RFC1: variants seen among roughly 807,000 people sequenced by gnomAD.
The protein encoded by RFC1 is A1 140 kDa subunit.
Under a neutral mutation model 137.4 loss-of-function variants are expected in RFC1, and 37 were observed. That is an observed-to-expected ratio of 0.27 (90% CI 0.21 to 0.35). The LOEUF (loss-of-function observed/expected upper bound fraction) is 0.35, where lower values mean the gene tolerates loss of function less well. RFC1 is among the 10% of genes least tolerant of loss of function. The pLI is 1.00. For synonymous variants in RFC1, 429 were observed against 455.7 expected (o/e 0.94, Z 0.75); for missense variants, 1,205 against 1,358.5 (o/e 0.89, Z 1.78).
chr4:39,288,814 G>A lies in RFC1; in HGVS notation c.3391C>T (p.Pro1131Ser), dbSNP rs749903526. ...TTTCTGGGCTCCTTATCTTTTTCTG[G>A]TTTTGAAGGCTTTGAAGATTTTGTC... ...KKTKSSKPSKPEKDKEPRKGK... is the reference protein window; with the variant it reads ...KKTKSSKPSKSEKDKEPRKGK... The change falls in exon 25 of 25, where the codon CCA becomes TCA. Residue 1131 changes from proline (P) to serine (S), a missense_variant. This residue lies in a region of RFC1 where 237 missense variants were observed against 304.2 expected (regional missense o/e 0.78). Coordinates refer to ENST00000349703, the MANE Select transcript of RFC1 (RefSeq NM_002913.5). The A allele has an allele frequency of 3.1e-6, 5 of 1,612,180 alleles. No homozygotes were observed. The highest frequency in any genetic ancestry group is 4.2e-6 in the Non-Finnish European group (5 of 1,179,026).
intron 21 of RFC1, among the ~76,000 whole-genome samples, chr4:39,296,999 G>C (rs1177965488): frequency 2.0e-5 from 3 of 151,400 alleles, no homozygotes; most frequent in East Asian, 1.9e-4. Flanking sequence ...TTCTCTGATG[G>C]CCAGTGATGA....
intron 1 of RFC1, among the ~76,000 whole-genome samples, chr4:39,361,824 T>C (rs1741773067): frequency 6.6e-6 from 1 of 152,160 alleles, no homozygotes. Flanking sequence ...CGAGGCGGGC[T>C]GATCACGAGG....
chr4:39,329,194 A>G (rs755630345), intron 4 of RFC1, among the ~76,000 whole-genome samples: 31 of 150,942 alleles, frequency 2.1e-4, no homozygotes, highest in Non-Finnish European at 3.8e-4. Flanking sequence ...ATCCAATAAA[A>G]ATGAAAATCT....
chr4:39,360,145 C>A (rs1056296465), intron 1 of RFC1, among the ~76,000 whole-genome samples: 1 of 151,992 alleles, frequency 6.6e-6, no homozygotes, highest in African/African-American at 2.4e-5. Flanking sequence ...GTGAGTGGAT[C>A]GTTTCAGGTC....
chr4:39,313,384 TTC>T (rs1359470916), intron 10 of RFC1, among the ~76,000 whole-genome samples: 1 of 152,348 alleles, frequency 6.6e-6, no homozygotes, highest in South Asian at 2.1e-4. Flanking sequence ...ATTTTGATGT[TTC>T]TGTTAATGTT....
chr4:39,321,172 AAAT>A (rs1423580952), intron 8 of RFC1, 112 bp downstream of exon 8: 16 of 813,464 alleles, frequency 2.0e-5, no homozygotes, highest in African/African-American at 3.4e-5. Flanking sequence ...TAGTCCTGTG[AAAT>A]AATGTCTACC....
At chr4:39,365,868 G>A (rs1190624889) in intron 1 of RFC1, among the ~76,000 whole-genome samples, 1 of 152,124 alleles carries the variant, frequency 6.6e-6, no homozygotes, top group Non-Finnish European at 1.5e-5. Flanking sequence ...TGAAATCCAC[G>A]CTTTAGGCAG....
intron 4 of RFC1, among the ~76,000 whole-genome samples, chr4:39,336,835 A>G (rs764017226): frequency 6.6e-6 from 1 of 152,278 alleles, no homozygotes; most frequent in Non-Finnish European, 1.5e-5. Context: ...ATAAGAAACT[A>G]AACAGCTATA....
At chr4:39,309,523 A>C (rs1291176182) in intron 12 of RFC1, among the ~76,000 whole-genome samples, 4 of 152,372 alleles carry the variant, frequency 2.6e-5, no homozygotes, top group Non-Finnish European at 4.4e-5. Flanking sequence ...TACATGCTAC[A>C]ACCCAGGTCA....
intron 11 of RFC1, 139 bp from the exon 12 acceptor site, chr4:39,311,688 A>C: frequency 1.7e-6 from 1 of 582,096 alleles, no homozygotes; most frequent in Non-Finnish European, 3.0e-6. Context: ...GAATTAAAAA[A>C]GAAAAACAAA....
In RFC1 at chr4:39,302,508, T is replaced by C. The variant is rs1461514755; in HGVS notation, c.2428A>G (p.Ile810Val). ...ATATATATTTAATTTACCTGTCTGATATCTTGATTGGCTCCCAAAATTATT... is the reference window on the plus strand; with the variant it reads ...ATATATATTTAATTTACCTGTCTGACATCTTGATTGGCTCCCAAAATTATT... ...NEIILGANQD[I>V]RQVLHNLSMW... Residue 810 changes from isoleucine (I) to valine (V), a missense_variant, in exon 18 of 25, where the codon ATC (isoleucine) becomes GTC (valine). Ile to Val is a conservative substitution (Grantham distance 29, BLOSUM62 3). Coordinates refer to ENST00000349703, the MANE Select transcript of RFC1 (RefSeq NM_002913.5). The C allele has an allele frequency of 3.1e-6, 5 of 1,594,822 alleles. No homozygotes were observed. Among genetic ancestry groups the C allele is most frequent in the Non-Finnish European group, 4.3e-6 (5 of 1,163,872 alleles).
At chr4:39,354,162 A>T (rs1279932879) in intron 1 of RFC1, among the ~76,000 whole-genome samples, 1 of 152,218 alleles carries the variant, frequency 6.6e-6, no homozygotes, top group Non-Finnish European at 1.5e-5. Flanking sequence ...GCAGCATCGT[A>T]ACCTAACTCA....
chr4:39,353,397 C>CAAAA (rs11416030), intron 1 of RFC1, among the ~76,000 whole-genome samples: 24,226 of 62,770 alleles, frequency 0.39, 5,489 homozygotes, highest in Non-Finnish European at 0.48. Context: ...GAGACTGTCT[C>CAAAA]AAAAAAAAAA....
intron 24 of RFC1, among the ~76,000 whole-genome samples, chr4:39,289,152 A>T (rs956761052): frequency 6.6e-6 from 1 of 152,228 alleles, no homozygotes; most frequent in Admixed American, 6.5e-5. Flanking sequence ...AATAAGCAAG[A>T]GGTAATTGAC....
At chr4:39,311,610 T>G in intron 11 of RFC1, 61 bp from the exon 12 acceptor site, 2 of 1,299,424 alleles carry the variant, frequency 1.5e-6, no homozygotes, top group Non-Finnish European at 1.1e-6. Flanking sequence ...TCCCTTCTCT[T>G]ACAAAAAAAA....
At chr4:39,353,129 G>C (rs1741290262) in intron 1 of RFC1, among the ~76,000 whole-genome samples, 1 of 151,990 alleles carries the variant, frequency 6.6e-6, no homozygotes, top group Admixed American at 6.6e-5. Flanking sequence ...GGCCAAGTAA[G>C]GTAGCTCATG....
At chr4:39,346,808 C>T (rs139788174) in intron 2 of RFC1, among the ~76,000 whole-genome samples, 8 of 152,264 alleles carry the variant, frequency 5.3e-5, no homozygotes, top group African/African-American at 1.9e-4. Flanking sequence ...AAGGAGAAAG[C>T]CACAGAAAGA....
At chr4:39,302,018 A>G (rs780810475) in intron 19 of RFC1, among the ~76,000 whole-genome samples, 19 of 152,358 alleles carry the variant, frequency 1.2e-4, no homozygotes, top group Non-Finnish European at 2.1e-4. Flanking sequence ...ACTCTGGAAA[A>G]GCCATTTTAT....
chr4:39,332,688 C>A (rs1446773541), intron 4 of RFC1, among the ~76,000 whole-genome samples: 3 of 152,354 alleles, frequency 2.0e-5, no homozygotes, highest in East Asian at 3.9e-4. Context: ...ATCCGCTGAA[C>A]AGGGAGAAAA....
Sources: allele counts gnomAD v4.1 joint callset (sites outside exome capture counted in the v4.1 genomes callset), GRCh38; gene constraint gnomAD v4.1.1; regional missense constraint gnomAD v4.1.1; transcripts MANE v1.5; gene names NCBI Gene and HGNC (gene_info 2026-07-23, HGNC 2026-07-21).